GLIS3: variants seen among roughly 807,000 people sequenced by gnomAD.
The protein encoded by GLIS3 is GLIS family zinc finger 3.
Under a neutral mutation model 78.6 loss-of-function variants are expected in GLIS3, and 53 were observed. The observed-to-expected ratio is 0.67, with a 90% CI of 0.54 to 0.85. The LOEUF (loss-of-function observed/expected upper bound fraction) is 0.85. Ranked by LOEUF, GLIS3 falls within the 40% of genes least tolerant of loss-of-function variation. The pLI, the probability that GLIS3 is intolerant of heterozygous loss-of-function variation, is 0.00. For synonymous variants in GLIS3, 684 were observed against 509.9 expected (o/e 1.34, Z -4.60); for missense variants, 1,703 against 1,231.1 (o/e 1.38, Z -5.74).
intron 8 of GLIS3, among the ~76,000 whole-genome samples, chr9:3,865,305 T>G (rs530947591): frequency 3.4e-4 from 51 of 152,198 alleles, no homozygotes; most frequent in Non-Finnish European, 6.9e-4. Context: ...TCTTAGCAGC[T>G]AAGTCTCCTG....
At chr9:4,296,078 C>T (rs780766215) in intron 1 of GLIS3, among the ~76,000 whole-genome samples, 8 of 152,028 alleles carry the variant, frequency 5.3e-5, no homozygotes, top group Non-Finnish European at 5.9e-5. Flanking sequence ...AAAATAATCA[C>T]AGAAACACAG....
At chr9:3,906,461 G>A (rs573043565) in intron 6 of GLIS3, among the ~76,000 whole-genome samples, 1 of 152,254 alleles carries the variant, frequency 6.6e-6, no homozygotes, top group South Asian at 2.1e-4. Context: ...AGCCAAGCAT[G>A]GCCTTAAGTT....
intron 6 of GLIS3, among the ~76,000 whole-genome samples, chr9:3,921,445 C>T (rs943122978): frequency 4.6e-5 from 7 of 152,164 alleles, no homozygotes; most frequent in Non-Finnish European, 1.0e-4. Context: ...CAAACTCAGT[C>T]AGGCACAGTT....
intron 4 of GLIS3, among the ~76,000 whole-genome samples, chr9:4,000,493 T>A (rs1029198322): frequency 3.3e-5 from 5 of 152,312 alleles, no homozygotes; most frequent in Middle Eastern, 3.4e-3. Flanking sequence ...TTATTATTCT[T>A]ACTTAAAAAA....
chr9:4,373,070 G>C, the GLIS3 span, among the ~76,000 whole-genome samples: 1 of 152,306 alleles, frequency 6.6e-6, no homozygotes, highest in Admixed American at 6.5e-5. Flanking sequence ...CTCAGAACTA[G>C]GGATAACCCC....
intron 2 of GLIS3, among the ~76,000 whole-genome samples, chr9:4,282,944 T>A (rs562409721): frequency 8.5e-5 from 13 of 152,194 alleles, no homozygotes; most frequent in African/African-American, 2.9e-4. Flanking sequence ...CTTACCACTG[T>A]TTTCTGTACC....
At chr9:3,885,512 A>G (rs1822017657) in intron 7 of GLIS3, among the ~76,000 whole-genome samples, 2 of 152,186 alleles carry the variant, frequency 1.3e-5, no homozygotes, top group South Asian at 4.1e-4. Context: ...TAATGTTGAG[A>G]TCCTGACAAA....
the GLIS3 span, among the ~76,000 whole-genome samples, chr9:4,453,430 A>G: frequency 6.6e-6 from 1 of 151,826 alleles, no homozygotes; most frequent in African/African-American, 2.4e-5. Flanking sequence ...CAATCTACCC[A>G]TCTGACAGAG....
In GLIS3 at chr9:4,227,443, T is replaced by C. The variant is rs571613582; in HGVS notation, c.388+58595A>G. On this transcript the variant is annotated intron_variant, in intron 2 of 10. Transcript: ENST00000381971. ...GACTTTCAGATTGTATTGATCTCTC[T>C]GATATGGAGCTCCATCCTAGCACAA... Among the ~76,000 whole-genome samples the C allele has an allele frequency of 5.9e-5, 9 of 152,326 alleles. No individual in the cohort carries two copies. In the East Asian group the frequency reaches 1.7e-3, roughly 29 times the overall value.
chr9:4,113,797 T>C (rs921118464), intron 4 of GLIS3, among the ~76,000 whole-genome samples: 4 of 152,168 alleles, frequency 2.6e-5, no homozygotes, highest in South Asian at 4.1e-4. Flanking sequence ...CCAATGTTAC[T>C]TAAAAAGCAC....
At chr9:4,328,408 C>T (rs2130560464) in intron 2 of GLIS3, among the ~76,000 whole-genome samples, 1 of 152,274 alleles carries the variant, frequency 6.6e-6, no homozygotes, top group Middle Eastern at 3.4e-3. Flanking sequence ...GTCAGGAAAA[C>T]AGGGAGCACT....
chr9:4,375,014 T>C, the GLIS3 span, among the ~76,000 whole-genome samples: 1 of 152,240 alleles, frequency 6.6e-6, no homozygotes, highest in African/African-American at 2.4e-5. Context: ...CTGTTGGACA[T>C]TTGTGTTGTT....
chr9:4,225,782 T>G (rs1340940513), intron 2 of GLIS3, among the ~76,000 whole-genome samples: 2 of 152,188 alleles, frequency 1.3e-5, no homozygotes, highest in African/African-American at 4.8e-5. Context: ...AGACCTTGAA[T>G]AAACCAGAGT....
At chr9:4,262,893 C>A (rs1396032348) in intron 2 of GLIS3, among the ~76,000 whole-genome samples, 1 of 136,184 alleles carries the variant, frequency 7.3e-6, no homozygotes, top group Non-Finnish European at 1.5e-5. Flanking sequence ...CCGTAGTTCA[C>A]ATGGTAGCTG....
At chr9:4,180,359 G>A (rs1416479449) in intron 2 of GLIS3, among the ~76,000 whole-genome samples, 1 of 152,140 alleles carries the variant, frequency 6.6e-6, no homozygotes, top group Non-Finnish European at 1.5e-5. Flanking sequence ...TACCACAATA[G>A]GAAGAACAAA....
chr9:4,392,444 G>A, the GLIS3 span, among the ~76,000 whole-genome samples: 10 of 152,226 alleles, frequency 6.6e-5, no homozygotes, highest in Admixed American at 5.2e-4. Flanking sequence ...TTTCCCAGGG[G>A]ATCTTAGGGA....
intron 4 of GLIS3, among the ~76,000 whole-genome samples, chr9:3,966,445 T>C (rs1013248921): frequency 6.6e-6 from 1 of 152,148 alleles, no homozygotes; most frequent in African/African-American, 2.4e-5. Flanking sequence ...CCTTTTTTTT[T>C]TCAGATAATG....
chr9:3,883,117 C>A (rs1182851936), intron 7 of GLIS3, among the ~76,000 whole-genome samples: 1 of 152,196 alleles, frequency 6.6e-6, no homozygotes, highest in Non-Finnish European at 1.5e-5. Flanking sequence ...ACTCTGGAGT[C>A]AGAGAGCTGT....
chr9:4,376,808 C>T, the GLIS3 span, among the ~76,000 whole-genome samples: 1 of 135,482 alleles, frequency 7.4e-6, no homozygotes, highest in African/African-American at 2.6e-5. Flanking sequence ...CTGAGATACT[C>T]CTGTGTTCTG....
Sources: allele counts gnomAD v4.1 joint callset (sites outside exome capture counted in the v4.1 genomes callset), GRCh38; gene constraint gnomAD v4.1.1; transcripts MANE v1.5; gene names NCBI Gene and HGNC (gene_info 2026-07-23, HGNC 2026-07-21).